Variants in HMGXB3 observed in about 807,000 individuals in gnomAD.
HMGXB3 encodes the protein HMG-box containing 3.
A neutral mutation model predicts 121.5 loss-of-function variants in HMGXB3; 45 were observed. That is an observed-to-expected ratio of 0.37 (90% CI 0.29 to 0.47). HMGXB3 has a LOEUF of 0.47. Among genes scored for constraint, HMGXB3 ranks in the 20% least tolerant of loss-of-function variants. HMGXB3 has a pLI of 0.99. For missense variants in HMGXB3, 1,376 were observed against 1,602.2 expected (o/e 0.86, Z 2.41); for synonymous variants, 590 against 624.1 (o/e 0.95, Z 0.81).
intron 5 of HMGXB3, chr5:150,015,105 T>C (rs986163760): frequency 4.5e-5 from 16 of 352,810 alleles, no homozygotes; most frequent in Non-Finnish European, 7.2e-5. Context: ...CAGGAGAATG[T>C]ATTGCGGCCA....
Position 150,026,786 on chromosome 5 carries a change from C to T in HMGXB3, c.1541C>T (p.Ala514Val). The change falls in exon 8 of 20, where the codon GCA (alanine) becomes GTA (valine). Residue 514 changes from alanine to valine, a missense_variant. By Grantham distance (64) the Ala-to-Val change is moderately conservative. Coordinates refer to ENST00000502717, the MANE Select transcript of HMGXB3 (RefSeq NM_014983.3). Reference protein sequence around the residue: ...ARGKPSLLAAARPMRAILPAP... With the variant: ...ARGKPSLLAAVRPMRAILPAP... ...GGCAAGCCCTCATTACTGGCTGCAGCAAGACCCATGAGAGCAATTTTGCCA... is the reference window on the plus strand; with the variant it reads ...GGCAAGCCCTCATTACTGGCTGCAGTAAGACCCATGAGAGCAATTTTGCCA... The T allele has an allele frequency of 6.5e-7, 1 of 1,550,010 alleles. No individual in the cohort carries two copies.
At chr5:150,037,299 C>A in intron 12 of HMGXB3, 101 bp from the exon 13 acceptor site, 2 of 1,193,708 alleles carry the variant, frequency 1.7e-6, no homozygotes, top group Non-Finnish European at 2.3e-6. Context: ...AAATCCTAAG[C>A]TCCAGCAAAT....
chr5:150,027,631 A>G (rs10050551), intron 9 of HMGXB3, among the ~76,000 whole-genome samples: 2,238 of 151,818 alleles, frequency 0.015, 62 homozygotes, highest in African/African-American at 0.052. Context: ...GCTCACTGCA[A>G]CCTCCACCTC....
rs76853929 is a variant in HMGXB3 at position 150,015,797 on chromosome 5, T to C, written c.910-2769T>C. Among the ~76,000 whole-genome samples the C allele has an allele frequency of 2.8e-3, 432 of 152,362 alleles. 1 individual carries two copies. Among genetic ancestry groups the C allele is most frequent in the African/African-American group, 9.8e-3 (407 of 41,580 alleles). On this transcript the variant is annotated intron_variant, in intron 5 of 19. Coordinates refer to ENST00000502717, the MANE Select transcript of HMGXB3 (RefSeq NM_014983.3). The stretch of plus-strand genomic sequence containing the variant: ...GGATTTTCCAGATATCTTTCTGTTA[T>C]TGATTAATAATTTAATTCCACTGTG...
At chr5:150,049,712 G>GT (rs1340609481) in intron 18 of HMGXB3, among the ~76,000 whole-genome samples, 1 of 152,154 alleles carries the variant, frequency 6.6e-6, no homozygotes, top group Non-Finnish European at 1.5e-5. Flanking sequence ...CAGCCAAGTG[G>GT]GTGTACCCAG....
chr5:150,046,848 G>A (rs1180518670), intron 16 of HMGXB3, among the ~76,000 whole-genome samples: 1 of 151,250 alleles, frequency 6.6e-6, no homozygotes, highest in Non-Finnish European at 1.5e-5. Context: ...AAGATACTGA[G>A]GTCCACCTCA....
In HMGXB3 at chr5:150,024,343, G is replaced by C. The variant is rs1226552003; in HGVS notation, c.1123G>C (p.Val375Leu). Residue 375 changes from valine to leucine, a missense_variant, in exon 7 of 20, where the codon GTC becomes CTC. By Grantham distance (32) the Val-to-Leu change is conservative. Around this residue, in one of 2 missense-constraint regions of HMGXB3, gnomAD observed 1,116 missense variants for 1,369.0 expected, o/e 0.82. Transcript: ENST00000502717. ...TGTGGTGAAAAGAAATCAGCAACCT[G>C]TCACCACTGAGCAAAATTCCTCTAA... ...GSVVKRNQQP[V>L]TTEQNSSKEN... 1.3e-6 allele frequency: 2 copies of C among 1,551,734 alleles called. No individual in the cohort carries two copies. Among genetic ancestry groups the C allele is most frequent in the Admixed American group, 3.9e-5 (2 of 51,014 alleles).
At chr5:150,002,897 C>T (rs1386888998) in intron 1 of HMGXB3, among the ~76,000 whole-genome samples, 1 of 152,170 alleles carries the variant, frequency 6.6e-6, no homozygotes, top group Non-Finnish European at 1.5e-5. Context: ...AATCCCAGCA[C>T]TTTGGGAGGC....
Position 150,008,250 on chromosome 5 carries a change from A to C in HMGXB3, c.312+1603A>C, listed in dbSNP as rs116515200. Among the ~76,000 whole-genome samples, 1,002 of 152,282 alleles carry C rather than the reference A, an allele frequency of 6.6e-3. 15 individuals are homozygous for C. The highest frequency in any genetic ancestry group is 0.023 in the African/African-American group (952 of 41,556). On this transcript the variant is annotated intron_variant, in intron 3 of 19. Transcript: ENST00000502717. The stretch of plus-strand genomic sequence containing the variant: ...CTTCCTTATTTACATGCTTATTTCT[A>C]TCTACCACTATCTCTACCACTGCCA...
intron 7 of HMGXB3, among the ~76,000 whole-genome samples, chr5:150,025,279 C>T (rs1366978825): frequency 1.3e-5 from 2 of 152,214 alleles, no homozygotes; most frequent in African/African-American, 4.8e-5. Context: ...TCCTTAAATG[C>T]TTAATTGGAT....
chr5:150,019,386 G>T (rs2113736041), intron 6 of HMGXB3, among the ~76,000 whole-genome samples: 1 of 152,122 alleles, frequency 6.6e-6, no homozygotes, highest in East Asian at 1.9e-4. Context: ...AATGACCTTG[G>T]TATCTCCCAC....
At chr5:150,008,578 G>A (rs1241567750) in intron 3 of HMGXB3, among the ~76,000 whole-genome samples, 1 of 152,210 alleles carries the variant, frequency 6.6e-6, no homozygotes, top group African/African-American at 2.4e-5. Context: ...GGTGTGATGG[G>A]AAGACCCTCA....
At chr5:150,042,585 T>TG (rs1320628642) in intron 15 of HMGXB3, among the ~76,000 whole-genome samples, 1 of 137,154 alleles carries the variant, frequency 7.3e-6, no homozygotes, top group Non-Finnish European at 1.6e-5. Context: ...AGGAGACCAG[T>TG]GGTGCAGCTC....
In HMGXB3 at chr5:150,047,790, C is replaced by T. The variant is rs777179383; in HGVS notation, c.3084+33C>T. 7 of 1,550,842 alleles carry T rather than the reference C, an allele frequency of 4.5e-6. No homozygotes were observed. In the South Asian group the frequency reaches 4.8e-5, roughly 11 times the overall value. On this transcript the variant is annotated intron_variant, in intron 17 of 19. Transcript: ENST00000502717. The stretch of plus-strand genomic sequence containing the variant: ...TCAAGGGCAGTGGTGGATATCGGGG[C>T]TTCTGGAGTAGGCTGATTGGTCCAC...
At chr5:150,042,434 A>G (rs1467035903) in intron 15 of HMGXB3, among the ~76,000 whole-genome samples, 1 of 152,186 alleles carries the variant, frequency 6.6e-6, no homozygotes, top group African/African-American at 2.4e-5. Flanking sequence ...GAGGGCAGTG[A>G]GGGGGGAAGG....
At chr5:150,005,564 A>T (rs1755678489) in intron 2 of HMGXB3, among the ~76,000 whole-genome samples, 1 of 151,314 alleles carries the variant, frequency 6.6e-6, no homozygotes, top group Non-Finnish European at 1.5e-5. Flanking sequence ...GTGCCATTGC[A>T]CTACAGCTTG....
rs774320325 is a variant in HMGXB3, at chr5:150,005,017, A to C, written c.137+28A>C. 7.2e-6 allele frequency: 11 copies of C among 1,533,586 alleles called. No individual in the cohort carries two copies. The African/African-American group carries it at 1.1e-4, about 16-fold the overall frequency. The allele number at this position is 1,533,586 out of a possible 1,614,324, so 95.0% of individuals were successfully genotyped here. On this transcript the variant is annotated intron_variant, in intron 2 of 19. Coordinates refer to ENST00000502717, the MANE Select transcript of HMGXB3 (RefSeq NM_014983.3). Reference sequence around the variant, plus strand: ...TAGCCAACACATTTTGGTTGCTGCTAGCATTTATAAACAGAAGTTGCTTGG... The same window carrying C: ...TAGCCAACACATTTTGGTTGCTGCTCGCATTTATAAACAGAAGTTGCTTGG...
At chr5:150,026,081 T>C (rs761464410) in intron 7 of HMGXB3, among the ~76,000 whole-genome samples, 4 of 152,174 alleles carry the variant, frequency 2.6e-5, no homozygotes, top group South Asian at 2.1e-4. Flanking sequence ...CCACCCGCCT[T>C]GGCCTCCCAA....
At chr5:150,024,161 T>C in intron 6 of HMGXB3, 101 bp from the exon 7 acceptor site, 4 of 958,420 alleles carry the variant, frequency 4.2e-6, no homozygotes, top group Non-Finnish European at 4.5e-6. Flanking sequence ...GACCTTAGTT[T>C]CCTTATTTAT....
Sources: gnomAD v4.1 joint callset for allele counts (sites outside exome capture counted in the v4.1 genomes callset) on GRCh38, gnomAD v4.1.1 for gene constraint, gnomAD v4.1.1 regional missense constraint, MANE v1.5 for transcripts, NCBI Gene and HGNC (gene_info 2026-07-23, HGNC 2026-07-21) for gene names.